Variants in MEOX2 observed in about 807,000 individuals in gnomAD.
MEOX2 encodes mesenchyme homeobox 2.
In MEOX2, 11 loss-of-function variants were observed where a neutral mutation model predicts 27.0. The ratio of observed to expected loss-of-function variants is 0.41; its 90% confidence interval spans 0.26 to 0.68. The LOEUF (loss-of-function observed/expected upper bound fraction) is 0.68, where lower values mean the gene tolerates loss of function less well. Ranked by LOEUF, MEOX2 falls within the 30% of genes least tolerant of loss-of-function variation. MEOX2 has a pLI of 0.33. For synonymous variants in MEOX2, 189 were observed against 155.4 expected, an observed-to-expected ratio of 1.22 and a Z score of -1.61; for missense variants, 436 against 385.4, an observed-to-expected ratio of 1.13 and a Z score of -1.10.
chr7:15,671,389 T>A (rs1209523789), intron 1 of MEOX2, among the ~76,000 whole-genome samples: 1 of 152,236 alleles, frequency 6.6e-6, no homozygotes, highest in Non-Finnish European at 1.5e-5. Context: ...CAGATTTTTT[T>A]AAACCTATCA....
At chr7:15,627,154 TATAAA>T (rs1054471680) in intron 1 of MEOX2, among the ~76,000 whole-genome samples, 3 of 152,184 alleles carry the variant, frequency 2.0e-5, no homozygotes, top group Middle Eastern at 3.4e-3. Flanking sequence ...ATTTTCTTCT[TATAAA>T]ATATTAACAA....
intron 1 of MEOX2, among the ~76,000 whole-genome samples, chr7:15,663,228 A>T (rs1781944464): frequency 6.6e-6 from 1 of 152,216 alleles, no homozygotes; most frequent in Non-Finnish European, 1.5e-5. Flanking sequence ...TTATAAATTC[A>T]TTATTGAAAA....
In MEOX2 at chr7:15,611,892, G is replaced by A. The variant is rs1781037965; in HGVS notation, c.*495C>T. 6.3e-6 allele frequency: 1 copy of A among 159,578 alleles called. No individual in the cohort carries two copies. The allele number at this position is 159,578 out of a possible 1,614,324, so 9.9% of individuals were successfully genotyped here. ...ATCCACTTGAGTGAATTCAGGCACT[G>A]TGGCTGTTCAGGATAAAATGTTTCA... On this transcript the variant is annotated 3_prime_UTR_variant, in exon 3 of 3. Coordinates refer to ENST00000262041, the MANE Select transcript of MEOX2 (RefSeq NM_005924.5).
At chr7:15,677,552 A>G (rs1782217882) in intron 1 of MEOX2, 1 of 152,228 alleles carries the variant, frequency 6.6e-6, no homozygotes, top group Non-Finnish European at 1.5e-5. Context: ...ACATGAAGAC[A>G]GGTTACTGGA....
chr7:15,686,337 G>A lies in MEOX2; in HGVS notation c.66C>T (p.Phe22=). 6.2e-7 allele frequency: 1 copy of A among 1,601,690 alleles called. No homozygotes were observed. Among genetic ancestry groups the A allele is most frequent in the South Asian group, 1.1e-5 (1 of 89,070 alleles). The part of the protein sequence containing the change: ...PHATAQGLHP[F]SQSSLALHGR... ...CATGGAGGGCGAGAGAGGATTGGGA[G>A]AACGGGTGCAAGCCTTGCGCCGTGG... Residue 22 remains phenylalanine, a synonymous_variant, in exon 1 of 3, where the codon TTC becomes TTT. Transcript: ENST00000262041.
chr7:15,650,237 A>C (rs1781714414), intron 1 of MEOX2, among the ~76,000 whole-genome samples: 1 of 152,022 alleles, frequency 6.6e-6, no homozygotes, highest in African/African-American at 2.4e-5. Context: ...CAATTTTCCC[A>C]ATTGTGGGCT....
chr7:15,645,025 A>G (rs1032711825), intron 1 of MEOX2, among the ~76,000 whole-genome samples: 2 of 152,190 alleles, frequency 1.3e-5, no homozygotes, highest in South Asian at 2.1e-4. Flanking sequence ...AAAATAATAG[A>G]TAACAATCTC....
chr7:15,673,290 T>C (rs1340672455), intron 1 of MEOX2, among the ~76,000 whole-genome samples: 2 of 152,110 alleles, frequency 1.3e-5, no homozygotes, highest in Admixed American at 6.6e-5. Flanking sequence ...TTTATAGATA[T>C]TATATGGCAA....
At chr7:15,658,427 C>G (rs1347230048) in intron 1 of MEOX2, among the ~76,000 whole-genome samples, 1 of 152,150 alleles carries the variant, frequency 6.6e-6, no homozygotes, top group East Asian at 1.9e-4. Context: ...CTCCTCCTTT[C>G]CTGGATCTTT....
chr7:15,613,531 A>C (rs950474171), intron 2 of MEOX2, among the ~76,000 whole-genome samples: 1 of 152,090 alleles, frequency 6.6e-6, no homozygotes, highest in Non-Finnish European at 1.5e-5. Flanking sequence ...TCTAGCAAGC[A>C]AAGTGTTCTT....
At chr7:15,675,435 C>A (rs568627492) in intron 1 of MEOX2, among the ~76,000 whole-genome samples, 60 of 152,266 alleles carry the variant, frequency 3.9e-4, no homozygotes, top group Middle Eastern at 3.4e-3. Context: ...CAGTAGTCAA[C>A]ATTTTAAGTG....
chr7:15,653,390 A>G (rs769708157), intron 1 of MEOX2, among the ~76,000 whole-genome samples: 14 of 151,824 alleles, frequency 9.2e-5, no homozygotes, highest in Non-Finnish European at 1.9e-4. Context: ...CCTTTATCAG[A>G]TATGTGGTTT....
At chr7:15,670,837 C>G (rs1782083083) in intron 1 of MEOX2, among the ~76,000 whole-genome samples, 2 of 152,076 alleles carry the variant, frequency 1.3e-5, no homozygotes, top group Admixed American at 6.6e-5. Context: ...CTACGGGGTC[C>G]TTGACTCTCA....
intron 1 of MEOX2, among the ~76,000 whole-genome samples, chr7:15,656,405 T>C (rs1348046527): frequency 2.0e-5 from 3 of 151,796 alleles, no homozygotes; most frequent in African/African-American, 7.2e-5. Context: ...ACTTTTTGTT[T>C]TTTCATTGTT....
chr7:15,651,128 G>A (rs373999955), intron 1 of MEOX2, among the ~76,000 whole-genome samples: 25 of 152,120 alleles, frequency 1.6e-4, no homozygotes, highest in Admixed American at 1.2e-3. Context: ...CTTGTTAATA[G>A]GAAGCCATTG....
At chr7:15,618,537 T>A (rs1781161299) in intron 2 of MEOX2, among the ~76,000 whole-genome samples, 1 of 151,976 alleles carries the variant, frequency 6.6e-6, no homozygotes, top group Admixed American at 6.6e-5. Context: ...GGCAACATAA[T>A]ACCATCAATA....
intron 1 of MEOX2, among the ~76,000 whole-genome samples, chr7:15,641,917 A>C (rs1301275796): frequency 6.6e-6 from 1 of 152,158 alleles, no homozygotes; most frequent in Non-Finnish European, 1.5e-5. Flanking sequence ...GCCATTCGAA[A>C]AAAAAGGCTA....
intron 1 of MEOX2, among the ~76,000 whole-genome samples, chr7:15,650,952 C>A (rs540157643): frequency 4.0e-5 from 6 of 151,872 alleles, no homozygotes; most frequent in South Asian, 2.1e-4. Flanking sequence ...GAAATGAGGG[C>A]AGATTGCATT....
intron 1 of MEOX2, among the ~76,000 whole-genome samples, chr7:15,631,683 C>T (rs937148316): frequency 6.6e-6 from 1 of 151,630 alleles, no homozygotes; most frequent in African/African-American, 2.4e-5. Context: ...TTAGCAATAG[C>T]TACTTACATA....
Sources: allele counts gnomAD v4.1 joint callset (sites outside exome capture counted in the v4.1 genomes callset), GRCh38; gene constraint gnomAD v4.1.1; transcripts MANE v1.5; gene names NCBI Gene and HGNC (gene_info 2026-07-23, HGNC 2026-07-21).